The following DPP10 variants were observed in gnomAD, a reference collection of about 807,000 sequenced individuals.
DPP10 encodes the protein inactive dipeptidyl peptidase 10.
In DPP10, 33 loss-of-function variants were observed where a neutral mutation model predicts 120.9. The ratio of observed to expected loss-of-function variants is 0.27; its 90% CI spans 0.21 to 0.37. DPP10 has a LOEUF of 0.37. Among genes scored for constraint, DPP10 ranks in the 10% least tolerant of loss-of-function variants. The probability of loss-of-function intolerance (pLI) is 1.00; values close to 1 mark genes in which losing one functional copy is unlikely to be tolerated. For synonymous variants in DPP10, 337 were observed against 326.1 expected (o/e 1.03, Z -0.36); for missense variants, 816 against 942.8 (o/e 0.87, Z 1.76).
intron 1 of DPP10, among the ~76,000 whole-genome samples, chr2:114,752,867 G>A (rs893371254): frequency 6.6e-6 from 1 of 152,192 alleles, no homozygotes; most frequent in Non-Finnish European, 1.5e-5. Context: ...AGCTGAAATG[G>A]GGAAATATGG....
intron 12 of DPP10, among the ~76,000 whole-genome samples, chr2:115,763,460 A>G (rs999005070): frequency 6.6e-6 from 1 of 152,134 alleles, no homozygotes; most frequent in African/African-American, 2.4e-5. Context: ...TTTTTATCTT[A>G]GGACTCAATG....
At chr2:115,336,059 A>G (rs2063109735) in intron 2 of DPP10, among the ~76,000 whole-genome samples, 1 of 152,136 alleles carries the variant, frequency 6.6e-6, no homozygotes, top group South Asian at 2.1e-4. Flanking sequence ...TAAACTAGAT[A>G]AAACTAACAC....
chr2:114,467,983 T>A (rs919268347), intron 1 of DPP10, among the ~76,000 whole-genome samples: 1 of 152,176 alleles, frequency 6.6e-6, no homozygotes, highest in African/African-American at 2.4e-5. Flanking sequence ...TTGCAGCCAC[T>A]GCACTTCAGT....
intron 5 of DPP10, among the ~76,000 whole-genome samples, chr2:115,681,906 A>G (rs932759567): frequency 2.8e-4 from 42 of 151,784 alleles, no homozygotes; most frequent in Middle Eastern, 3.4e-3. Flanking sequence ...TGAAATGAAG[A>G]CAACCTTTTC....
At chr2:115,348,485 GT>G (rs776540070) in intron 3 of DPP10, among the ~76,000 whole-genome samples, 8 of 151,052 alleles carry the variant, frequency 5.3e-5, no homozygotes, top group East Asian at 1.9e-4. Flanking sequence ...TGTTTACATA[GT>G]TTTTTTTTAT....
At chr2:115,221,363 G>A (rs1377817800) in intron 1 of DPP10, among the ~76,000 whole-genome samples, 2 of 152,064 alleles carry the variant, frequency 1.3e-5, no homozygotes, top group Non-Finnish European at 2.9e-5. Flanking sequence ...ATTCAGGTTT[G>A]TTGCTTTTGC....
intron 21 of DPP10, among the ~76,000 whole-genome samples, chr2:115,829,964 T>C (rs1403639477): frequency 6.6e-6 from 1 of 152,094 alleles, no homozygotes; most frequent in Non-Finnish European, 1.5e-5. Context: ...CCTCATTTAA[T>C]ATATAATAAT....
At chr2:115,430,577 T>C (rs1463554414) in intron 3 of DPP10, among the ~76,000 whole-genome samples, 1 of 152,156 alleles carries the variant, frequency 6.6e-6, no homozygotes, top group East Asian at 1.9e-4. Context: ...GTAGATCAGG[T>C]AATACAAACA....
intron 1 of DPP10, among the ~76,000 whole-genome samples, chr2:114,792,551 T>C (rs1404426168): frequency 6.6e-6 from 1 of 152,292 alleles, no homozygotes; most frequent in Non-Finnish European, 1.5e-5. Flanking sequence ...TCTGGGAACA[T>C]GTATTTTGAG....
chr2:115,223,872 C>T (rs1447251209), intron 1 of DPP10, among the ~76,000 whole-genome samples: 2 of 152,066 alleles, frequency 1.3e-5, no homozygotes, highest in African/African-American at 4.8e-5. Context: ...TTCACCAACA[C>T]GTCTTGTTTT....
intron 1 of DPP10, among the ~76,000 whole-genome samples, chr2:114,659,326 CA>C (rs1161215863): frequency 3.1e-5 from 4 of 127,292 alleles, no homozygotes; most frequent in Non-Finnish European, 4.6e-5. Context: ...CCATAGCAAG[CA>C]ATTTTTTTTT....
intron 1 of DPP10, among the ~76,000 whole-genome samples, chr2:114,973,925 C>A (rs1208609501): frequency 6.6e-6 from 1 of 151,784 alleles, no homozygotes; most frequent in African/African-American, 2.4e-5. Context: ...AATAAATAAA[C>A]TTAAACATAG....
At chr2:115,692,448 A>G (rs1056907257) in intron 7 of DPP10, among the ~76,000 whole-genome samples, 3 of 151,994 alleles carry the variant, frequency 2.0e-5, no homozygotes, top group Non-Finnish European at 4.4e-5. Flanking sequence ...TCAGTTTTGC[A>G]TTATATAATT....
intron 1 of DPP10, among the ~76,000 whole-genome samples, chr2:115,131,423 G>T (rs1406368606): frequency 1.3e-5 from 2 of 152,110 alleles, no homozygotes; most frequent in African/African-American, 4.8e-5. Flanking sequence ...TGAGGTAGGA[G>T]GATTGCTTGA....
chr2:115,329,890 T>TAAAC (rs1456396447), intron 2 of DPP10, among the ~76,000 whole-genome samples: 2 of 152,176 alleles, frequency 1.3e-5, no homozygotes, highest in African/African-American at 4.8e-5. Context: ...AGTGCTGCAG[T>TAAAC]AAACATATGT....
At chr2:115,266,842 T>C (rs1158831217) in intron 1 of DPP10, among the ~76,000 whole-genome samples, 2 of 152,238 alleles carry the variant, frequency 1.3e-5, no homozygotes, top group Non-Finnish European at 2.9e-5. Context: ...GATTTTCCTA[T>C]CCTTATACGG....
At chr2:115,546,085 A>G (rs149180981) in intron 5 of DPP10, among the ~76,000 whole-genome samples, 347 of 152,240 alleles carry the variant, frequency 2.3e-3, no homozygotes, top group African/African-American at 8.0e-3. Flanking sequence ...CTTAAGGTCT[A>G]AATCTGCATT....
chr2:115,363,419 A>C (rs564758064), intron 3 of DPP10, among the ~76,000 whole-genome samples: 34 of 152,312 alleles, frequency 2.2e-4, no homozygotes, highest in African/African-American at 7.5e-4. Context: ...CTCATGGTTA[A>C]GTGGCATCAG....
chr2:115,346,460 A>G (rs1246571214), intron 3 of DPP10, among the ~76,000 whole-genome samples: 1 of 152,068 alleles, frequency 6.6e-6, no homozygotes, highest in Non-Finnish European at 1.5e-5. Context: ...GGTTATAGTG[A>G]GGCGATGCCA....
Sources: allele counts gnomAD v4.1 joint callset (sites outside exome capture counted in the v4.1 genomes callset), GRCh38; gene constraint gnomAD v4.1.1; transcripts MANE v1.5; gene names NCBI Gene and HGNC (gene_info 2026-07-23, HGNC 2026-07-21).